Variants in ZFHX3 observed in about 807,000 individuals in gnomAD.
ZFHX3 encodes zinc finger homeobox 3.
In ZFHX3, 42 loss-of-function variants were observed where a neutral mutation model predicts 279.1. The observed-to-expected ratio is 0.15, with a 90% CI of 0.12 to 0.19. ZFHX3 has a LOEUF of 0.19. Ranked by LOEUF, ZFHX3 falls within the 10% of genes least tolerant of loss-of-function variation. The pLI, the probability that ZFHX3 is intolerant of heterozygous loss-of-function variation, is 1.00. For synonymous variants in ZFHX3, 2,293 were observed against 1,957.8 expected (o/e 1.17, Z -4.52); for missense variants, 4,981 against 4,754.0 (o/e 1.05, Z -1.40).
At chr16:73,500,663 TAA>T (rs35306584) in intron 2 of ZFHX3, among the ~76,000 whole-genome samples, 4 of 71,558 alleles carry the variant, frequency 5.6e-5, no homozygotes, top group Non-Finnish European at 6.8e-5. Context: ...TTTAAAGAGT[TAA>T]AAAAAAAAAA....
chr16:73,334,110 C>T (rs975649316), intron 3 of ZFHX3, among the ~76,000 whole-genome samples: 1 of 152,114 alleles, frequency 6.6e-6, no homozygotes, highest in South Asian at 2.1e-4. Flanking sequence ...AGAAAGGGGA[C>T]AGGAAGGTCT....
At chr16:72,820,587 G>A (rs922250449) in intron 5 of ZFHX3, among the ~76,000 whole-genome samples, 4 of 152,148 alleles carry the variant, frequency 2.6e-5, no homozygotes, top group African/African-American at 9.7e-5. Context: ...CCTGATTCCT[G>A]ACTTTGAGGT....
chr16:73,299,031 A>C (rs1441817935), intron 4 of ZFHX3, among the ~76,000 whole-genome samples: 2 of 152,174 alleles, frequency 1.3e-5, no homozygotes, highest in East Asian at 3.9e-4. Flanking sequence ...CTTACTTTCT[A>C]ATGTCAAAAA....
chr16:73,596,787 CT>C (rs1429200149), intron 2 of ZFHX3, among the ~76,000 whole-genome samples: 1 of 152,178 alleles, frequency 6.6e-6, no homozygotes, highest in Non-Finnish European at 1.5e-5. Flanking sequence ...AGGAACGTCA[CT>C]ATAACTCACT....
At chr16:73,425,505 G>C (rs2017794820) in intron 3 of ZFHX3, among the ~76,000 whole-genome samples, 1 of 152,144 alleles carries the variant, frequency 6.6e-6, no homozygotes, top group South Asian at 2.1e-4. Context: ...AAAGTGATTT[G>C]TCCAAGGCCT....
At chr16:72,812,540 TG>T (rs1483397024) in intron 5 of ZFHX3, among the ~76,000 whole-genome samples, 2 of 152,210 alleles carry the variant, frequency 1.3e-5, no homozygotes, top group African/African-American at 4.8e-5. Flanking sequence ...AAATGTGATT[TG>T]AGAAAGGTTC....
chr16:73,374,354 TCGGC>T (rs1393575104), intron 3 of ZFHX3, among the ~76,000 whole-genome samples: 128 of 137,856 alleles, frequency 9.3e-4, no homozygotes, highest in Middle Eastern at 3.7e-3. Context: ...AGTCTTGTCA[TCGGC>T]CATTCAAGGC....
intron 2 of ZFHX3, among the ~76,000 whole-genome samples, chr16:73,641,190 G>A (rs1030010175): frequency 6.6e-6 from 1 of 152,188 alleles, no homozygotes; most frequent in African/African-American, 2.4e-5. Context: ...GAAGCTACCA[G>A]TGAAGTATGC....
intron 2 of ZFHX3, among the ~76,000 whole-genome samples, chr16:73,623,105 C>G (rs2052381121): frequency 6.6e-6 from 1 of 151,748 alleles, no homozygotes; most frequent in South Asian, 2.1e-4. Context: ...GGCGCTATCT[C>G]GGCTCACTGC....
At chr16:73,804,587 G>T (rs328387) in intron 1 of ZFHX3, among the ~76,000 whole-genome samples, 8,710 of 152,142 alleles carry the variant, frequency 0.057, 786 homozygotes, top group African/African-American at 0.19. Flanking sequence ...TTAGTATCTG[G>T]AAACTCATTT....
At chr16:73,264,573 CTT>C (rs926685750) in intron 4 of ZFHX3, among the ~76,000 whole-genome samples, 1 of 144,420 alleles carries the variant, frequency 6.9e-6, no homozygotes. Context: ...GAACAACCGA[CTT>C]TTTTTTTTTT....
At position 73,392,418 on chromosome 16, in the gene ZFHX3, C is replaced by CAAAAAAAAAAAAAAAA. The variant is rs35019692; in HGVS notation, c.-1291+63569_-1291+63584dup. ...TGGGTGACAGAATGAGACCCTGTCT[C>CAAAAAAAAAAAAAAAA]AAAAAAAAAAAAAAAAAAAAAAAAA... On this transcript the variant is annotated intron_variant, in intron 3 of 17. Coordinates refer to the ZFHX3 transcript ENST00000641206. Among the ~76,000 whole-genome samples, 16 of 35,796 alleles carry CAAAAAAAAAAAAAAAA rather than the reference C, an allele frequency of 4.5e-4. 1 individual carries two copies. Among genetic ancestry groups the CAAAAAAAAAAAAAAAA allele is most frequent in the Non-Finnish European group, 5.8e-4 (12 of 20,680 alleles). The allele number at this position is 35,796 out of a possible 152,430, so 23.5% of individuals were successfully genotyped here.
chr16:73,015,710 C>G (rs553329855), intron 1 of ZFHX3: 1 of 152,342 alleles, frequency 6.6e-6, no homozygotes, highest in African/African-American at 2.4e-5. Flanking sequence ...GGCCCGTGCA[C>G]GCTGGGCTCC....
intron 1 of ZFHX3, among the ~76,000 whole-genome samples, chr16:73,871,735 AAAAAAAAAATG>A (rs1324699528): frequency 1.4e-5 from 2 of 147,824 alleles, no homozygotes; most frequent in African/African-American, 5.1e-5. Context: ...ATCCCTCTTT[AAAAAAAAAATG>A]AAGTTCCTAT....
At chr16:73,320,081 G>T (rs1349875091) in intron 3 of ZFHX3, among the ~76,000 whole-genome samples, 1 of 152,182 alleles carries the variant, frequency 6.6e-6, no homozygotes, top group Non-Finnish European at 1.5e-5. Flanking sequence ...AGGAGGTAAA[G>T]GTTGGAGGTC....
chr16:73,124,118 G>C (rs191929638), intron 7 of ZFHX3, among the ~76,000 whole-genome samples: 207 of 152,264 alleles, frequency 1.4e-3, no homozygotes, highest in Non-Finnish European at 2.8e-3. Context: ...TTACAACCTT[G>C]TATAGGAGAG....
intron 1 of ZFHX3, among the ~76,000 whole-genome samples, chr16:73,713,650 T>C (rs113324470): frequency 0.011 from 1,659 of 151,964 alleles, 42 homozygotes; most frequent in African/African-American, 0.038. Flanking sequence ...TTTTATACTC[T>C]AGTAAATTTG....
chr16:73,871,765 T>G (rs2029862660), intron 1 of ZFHX3, among the ~76,000 whole-genome samples: 1 of 152,130 alleles, frequency 6.6e-6, no homozygotes, highest in Non-Finnish European at 1.5e-5. Flanking sequence ...ATTAGATACC[T>G]CTGGTGGTAG....
intron 3 of ZFHX3, among the ~76,000 whole-genome samples, chr16:73,451,733 T>C (rs2018283919): frequency 6.6e-6 from 1 of 152,176 alleles, no homozygotes. Context: ...AGATGGGAGA[T>C]CCTTAGGTTT....
Sources: allele counts gnomAD v4.1 joint callset (sites outside exome capture counted in the v4.1 genomes callset), GRCh38; gene constraint gnomAD v4.1.1; transcripts MANE v1.5; gene names NCBI Gene and HGNC (gene_info 2026-07-23, HGNC 2026-07-21).